The following CYTH3 variants were observed in gnomAD, a reference collection of about 807,000 sequenced individuals.
The protein encoded by CYTH3 is cytohesin-3.
Under a neutral mutation model 55.1 loss-of-function variants are expected in CYTH3, and 23 were observed. The observed-to-expected ratio is 0.42, with a 90% CI of 0.30 to 0.59. The LOEUF is 0.59. CYTH3 is among the 20% of genes least tolerant of loss of function. The probability of loss-of-function intolerance (pLI) is 0.20; values close to 1 mark genes in which losing one functional copy is unlikely to be tolerated. For missense variants in CYTH3, 413 were observed against 524.8 expected, an observed-to-expected ratio of 0.79 and a Z score of 2.08; for synonymous variants, 249 against 194.9, an observed-to-expected ratio of 1.28 and a Z score of -2.31.
rs1163683255 is a variant in CYTH3 at position 6,163,244 on chromosome 7, CAAA to C, written c.*1697_*1699del. The C allele has an allele frequency of 6.6e-6, 1 of 152,444 alleles. No individual in the cohort carries two copies. The highest frequency in any genetic ancestry group is 1.5e-5 in the Non-Finnish European group (1 of 68,124). 9.4% of individuals were successfully genotyped at this position (152,444 alleles called of 1,614,324 possible). A position where few individuals can be genotyped will look rare whatever the true frequency, so the allele number is the denominator to read the frequency against. On this transcript the variant is annotated 3_prime_UTR_variant, in exon 13 of 13. Transcript: ENST00000350796. ...GCTCGGCCTCCACTTCAAGGCAACTCAAAGAACAGTCTCCGCTGCTGAGAAGGA... is the reference window on the plus strand; with the variant it reads ...GCTCGGCCTCCACTTCAAGGCAACTCGAACAGTCTCCGCTGCTGAGAAGGA...
intron 2 of CYTH3, among the ~76,000 whole-genome samples, chr7:6,189,334 G>C (rs750663713): frequency 6.6e-5 from 10 of 151,902 alleles, no homozygotes; most frequent in Middle Eastern, 3.2e-3. Context: ...TTTTAGACAG[G>C]GTCTTGCTCT....
chr7:6,164,932 TAGCC>T lies in CYTH3; in HGVS notation c.*8_*11del. On this transcript the variant is annotated 3_prime_UTR_variant, in exon 13 of 13. Transcript: ENST00000350796. ...GGTTGGGTCTTTTACCTGGGTCTTT[TAGCC>T]AGGAAAGCTATTTTTTATTGGCAAT... is the stretch of plus-strand genomic sequence containing the variant. The T allele has an allele frequency of 6.2e-7, 1 of 1,614,242 alleles. No individual in the cohort carries two copies. Among genetic ancestry groups the T allele is most frequent in the South Asian group, 1.1e-5 (1 of 91,086 alleles).
chr7:6,179,842 CCACACCACAGA>C (rs1482281439), intron 4 of CYTH3, among the ~76,000 whole-genome samples: 3 of 119,000 alleles, frequency 2.5e-5, no homozygotes, highest in Non-Finnish European at 3.6e-5. Context: ...ACCACATACA[CCACACCACAGA>C]CACACCACAC....
At chr7:6,219,622 A>G (rs1016138340) in intron 1 of CYTH3, among the ~76,000 whole-genome samples, 1 of 152,248 alleles carries the variant, frequency 6.6e-6, no homozygotes, top group Non-Finnish European at 1.5e-5. Flanking sequence ...AGCCAGGAAT[A>G]GAAACAGAAC....
intron 1 of CYTH3, among the ~76,000 whole-genome samples, chr7:6,204,724 C>T (rs930772181): frequency 6.6e-6 from 1 of 152,194 alleles, no homozygotes; most frequent in East Asian, 1.9e-4. Context: ...CTTTAGCCAA[C>T]CCATGGCTCC....
Position 6,248,674 on chromosome 7 carries a change from G to A in CYTH3, c.34+23800C>T, listed in dbSNP as rs184924501. ...ACCCCGGCTGCCCGTGGCCACTCAG[G>A]GTCATCAGGCCTCCCTCGCTCTCTG... On this transcript the variant is annotated intron_variant, in intron 1 of 12. Coordinates refer to ENST00000350796, the MANE Select transcript of CYTH3 (RefSeq NM_004227.4). 3.8e-3 allele frequency among the ~76,000 whole-genome samples: 583 copies of A among 152,250 alleles called. 5 individuals are homozygous for A. Among genetic ancestry groups the A allele is most frequent in the African/African-American group, 0.013 (547 of 41,534 alleles).
intron 2 of CYTH3, 121 bp downstream of exon 2, chr7:6,190,328 G>C: frequency 1.3e-6 from 1 of 754,828 alleles, no homozygotes; most frequent in Non-Finnish European, 1.9e-6. Flanking sequence ...TTTTTTTTTT[G>C]TTATTTTTTG....
intron 1 of CYTH3, among the ~76,000 whole-genome samples, chr7:6,256,275 C>T (rs1016923598): frequency 6.6e-6 from 1 of 152,194 alleles, no homozygotes; most frequent in Admixed American, 6.5e-5. Context: ...AAGGGAGTCA[C>T]TGGCCACTGG....
chr7:6,237,161 G>T (rs1242875760), intron 1 of CYTH3, among the ~76,000 whole-genome samples: 1 of 135,464 alleles, frequency 7.4e-6, no homozygotes, highest in Admixed American at 7.3e-5. Flanking sequence ...CTCTCCCAGA[G>T]CGAGTTCTAC....
At chr7:6,244,290 A>G (rs1779750052) in intron 1 of CYTH3, among the ~76,000 whole-genome samples, 3 of 152,132 alleles carry the variant, frequency 2.0e-5, no homozygotes, top group Admixed American at 1.3e-4. Context: ...GGATTGAATG[A>G]CGTAACTCAA....
intron 1 of CYTH3, among the ~76,000 whole-genome samples, chr7:6,259,762 T>TATATATA (rs1780247871): frequency 3.9e-5 from 1 of 25,610 alleles, no homozygotes; most frequent in African/African-American, 3.4e-4. Flanking sequence ...ATATATTATA[T>TATATATA]ATATATATAT....
At chr7:6,210,013 C>T (rs1784288320) in intron 1 of CYTH3, among the ~76,000 whole-genome samples, 1 of 152,190 alleles carries the variant, frequency 6.6e-6, no homozygotes, top group Admixed American at 6.5e-5. Flanking sequence ...TGAAACTCTT[C>T]TGTATGATAC....
At chr7:6,272,410 G>GGGGGGGGGGGGCCCGCC in intron 1 of CYTH3, 64 bp downstream of exon 1, 1 of 1,216,614 alleles carries the variant, frequency 8.2e-7, no homozygotes, top group Non-Finnish European at 1.1e-6. Flanking sequence ...CCGCGCCCTC[G>GGGGGGGGGGGGCCCGCC]ACCCCCAGCC....
Position 6,207,218 on chromosome 7 carries a change from C to T in CYTH3, c.35-16687G>A, listed in dbSNP as rs746607490. On this transcript the variant is annotated intron_variant, in intron 1 of 12. Transcript: ENST00000350796. ...CACGCCATTCTCCTGCCTCAGCCTC[C>T]CGAGTACCTGGGACTACAGGCACCT... Among the ~76,000 whole-genome samples the T allele has an allele frequency of 4.6e-5, 7 of 151,474 alleles. No individual in the cohort carries two copies. In the South Asian group the frequency reaches 1.5e-3, roughly 32 times the overall value.
intron 1 of CYTH3, among the ~76,000 whole-genome samples, chr7:6,262,330 C>T (rs1434240795): frequency 2.0e-5 from 3 of 152,148 alleles, no homozygotes. Flanking sequence ...TAAGATCAAG[C>T]TTTGTCACAG....
At position 6,164,770 on chromosome 7, in the gene CYTH3, G is replaced by A. The variant is rs557672566; in HGVS notation, c.*174C>T. ...GCACTGCAGGGCGACCACCTCCCAG[G>A]ACCCCAGCCACGGCACGAGGCCTTG... is the stretch of plus-strand genomic sequence containing the variant. On this transcript the variant is annotated 3_prime_UTR_variant, in exon 13 of 13. Coordinates refer to ENST00000350796, the MANE Select transcript of CYTH3 (RefSeq NM_004227.4). 2 of 730,488 alleles carry A rather than the reference G, an allele frequency of 2.7e-6. No homozygotes were observed. The highest frequency in any genetic ancestry group is 1.8e-5 in the African/African-American group (1 of 56,828). 45.3% of individuals were successfully genotyped at this position (730,488 alleles called of 1,614,324 possible).
At chr7:6,265,878 C>G (rs1003609807) in intron 1 of CYTH3, among the ~76,000 whole-genome samples, 1 of 152,038 alleles carries the variant, frequency 6.6e-6, no homozygotes, top group South Asian at 2.1e-4. Flanking sequence ...GCCTGAGCAA[C>G]TGGAAGAACA....
At chr7:6,187,265 C>T (rs950787544) in intron 3 of CYTH3, 149 bp from the exon 4 acceptor site, 18 of 745,148 alleles carry the variant, frequency 2.4e-5, no homozygotes, top group Middle Eastern at 2.7e-4. Context: ...TCCGCAGTGG[C>T]GGCAGGGGTG....
In CYTH3 at chr7:6,272,539, G is replaced by C. The variant is rs1201804311; in HGVS notation, c.-32C>G. The C allele has an allele frequency of 1.1e-5, 15 of 1,311,670 alleles. No homozygotes were observed. Among genetic ancestry groups the C allele is most frequent in the East Asian group, 3.8e-5 (1 of 26,556 alleles). 81.3% of individuals were successfully genotyped at this position (1,311,670 alleles called of 1,614,324 possible). ...GCCACTCCCGCAGCCGGCGAGCCGG[G>C]GGCCGGCAGCAGAGGGGCCGCGGGC... On this transcript the variant is annotated 5_prime_UTR_variant, in exon 1 of 13. Transcript: ENST00000350796.
Sources: gnomAD v4.1 joint callset for allele counts (sites outside exome capture counted in the v4.1 genomes callset) on GRCh38, gnomAD v4.1.1 for gene constraint, MANE v1.5 for transcripts, NCBI Gene and HGNC (gene_info 2026-07-23, HGNC 2026-07-21) for gene names.